Variants in FAT4 observed in about 807,000 individuals in gnomAD.
The protein encoded by FAT4 is protocadherin Fat 4.
A neutral mutation model predicts 303.9 loss-of-function variants in FAT4; 84 were observed. The ratio of observed to expected loss-of-function variants is 0.28; its 90% confidence interval spans 0.23 to 0.33. FAT4 has a LOEUF of 0.33. Among genes scored for constraint, FAT4 ranks in the 10% least tolerant of loss-of-function variants. The pLI, the probability that FAT4 is intolerant of heterozygous loss-of-function variation, is 1.00. For missense variants in FAT4, 6,005 were observed against 6,146.8 expected (o/e 0.98, Z 0.77); for synonymous variants, 2,307 against 2,298.8 (o/e 1.00, Z -0.10).
At chr4:125,339,071 C>T (rs1731676386) in intron 2 of FAT4, among the ~76,000 whole-genome samples, 1 of 152,090 alleles carries the variant, frequency 6.6e-6, no homozygotes, top group Non-Finnish European at 1.5e-5. Context: ...CTTCCTTTGC[C>T]CTAAGATGCC....
At position 125,450,443 on chromosome 4, in the gene FAT4, A is replaced by G; in HGVS notation, c.9433A>G (p.Thr3145Ala). ...EEGIFAINSSTGILTLAKALD... is the reference protein window; with the variant it reads ...EEGIFAINSSAGILTLAKALD... Reference sequence around the variant, plus strand: ...AGGCATTTTTGCAATCAATTCTTCTACAGGTATATTAACACTAGCCAAAGC... The same window carrying G: ...AGGCATTTTTGCAATCAATTCTTCTGCAGGTATATTAACACTAGCCAAAGC... Residue 3145 changes from threonine (T) to alanine (A), a missense_variant, in exon 10 of 18, where the codon ACA becomes GCA. Thr to Ala is a moderately conservative substitution (Grantham distance 58). Coordinates refer to ENST00000394329, the MANE Select transcript of FAT4 (RefSeq NM_001291303.3). 1 of 1,614,110 alleles carries G rather than the reference A, an allele frequency of 6.2e-7. No individual in the cohort carries two copies. The highest frequency in any genetic ancestry group is 1.7e-5 in the Admixed American group (1 of 60,012).
chr4:125,325,101 G>A (rs1056909787), intron 2 of FAT4, among the ~76,000 whole-genome samples: 1 of 152,062 alleles, frequency 6.6e-6, no homozygotes, highest in African/African-American at 2.4e-5. Flanking sequence ...GGATAATAGA[G>A]AAATAGTTTG....
intron 2 of FAT4, among the ~76,000 whole-genome samples, chr4:125,340,834 G>T (rs757259790): frequency 2.4e-4 from 37 of 152,190 alleles, no homozygotes; most frequent in Admixed American, 4.6e-4. Context: ...AACACTAAGG[G>T]ATAGTTATCT....
At chr4:125,430,152 A>G (rs1395769903) in intron 7 of FAT4, among the ~76,000 whole-genome samples, 1 of 11,860 alleles carries the variant, frequency 8.4e-5, no homozygotes, top group Non-Finnish European at 1.9e-4. Flanking sequence ...CTAGAACTTA[A>G]AGTATAAAAA....
At chr4:125,419,361 C>A (rs1735194827) in intron 7 of FAT4, among the ~76,000 whole-genome samples, 1 of 152,108 alleles carries the variant, frequency 6.6e-6, no homozygotes, top group South Asian at 2.1e-4. Flanking sequence ...CCTCTGTACA[C>A]CATATCCAAC....
intron 8 of FAT4, among the ~76,000 whole-genome samples, chr4:125,436,315 C>A (rs1425133326): frequency 6.6e-6 from 1 of 152,064 alleles, no homozygotes; most frequent in South Asian, 2.1e-4. Context: ...AAATGGGTAG[C>A]ATTGAAGGAG....
intron 11 of FAT4, among the ~76,000 whole-genome samples, chr4:125,466,986 C>A (rs1372793727): frequency 4.0e-5 from 6 of 151,812 alleles, no homozygotes; most frequent in Non-Finnish European, 8.8e-5. Flanking sequence ...ACCGTGTTAG[C>A]CAGGATGGTC....
rs892379840 is a variant in FAT4, at chr4:125,316,071, G to C, written c.-13+94G>C. On this transcript the variant is annotated intron_variant, in intron 1 of 17. Coordinates refer to ENST00000394329, the MANE Select transcript of FAT4 (RefSeq NM_001291303.3). The surrounding 1 kb of genome is among the most constrained non-coding windows in gnomAD (Gnocchi z 5.7). The stretch of plus-strand genomic sequence containing the variant: ...TCTCCCAACTCTCATCCACCCGGGT[G>C]AAAACGCTCAGACTATCTGGATTCA... 6.6e-6 allele frequency among the ~76,000 whole-genome samples: 1 copy of C among 152,164 alleles called. No individual in the cohort carries two copies. The highest frequency in any genetic ancestry group is 1.5e-5 in the Non-Finnish European group (1 of 68,030).
chr4:125,410,417 T>A (rs963357469), intron 5 of FAT4, among the ~76,000 whole-genome samples: 1 of 152,140 alleles, frequency 6.6e-6, no homozygotes, highest in Non-Finnish European at 1.5e-5. Flanking sequence ...TTGGCTCCAG[T>A]TAGATATCTG....
chr4:125,468,625 A>C lies in FAT4; in HGVS notation c.12019A>C (p.Ile4007Leu). The C allele has an allele frequency of 6.2e-7, 1 of 1,614,156 alleles. No homozygotes were observed. The highest frequency in any genetic ancestry group is 8.5e-7 in the Non-Finnish European group (1 of 1,180,020). ...NNYIYVKFAT[I>L]KSHALLLYNY... is the part of the protein sequence containing the mutation. ...CTATATTTATGTCAAATTTGCCACGATTAAAAGTCATGCCTTATTGCTTTA... is the reference window on the plus strand; with the variant it reads ...CTATATTTATGTCAAATTTGCCACGCTTAAAAGTCATGCCTTATTGCTTTA... The change falls in exon 12 of 18, where the codon ATT becomes CTT. Residue 4007 changes from isoleucine (I) to leucine (L), a missense_variant. Ile to Leu is a conservative substitution (Grantham distance 5). Transcript: ENST00000394329.
intron 2 of FAT4, among the ~76,000 whole-genome samples, chr4:125,343,492 A>C (rs937485422): frequency 6.6e-6 from 1 of 151,936 alleles, no homozygotes; most frequent in Non-Finnish European, 1.5e-5. Context: ...ATTTGCTAAG[A>C]AGAAAAAAAA....
In FAT4 at chr4:125,452,606, G is replaced by A; in HGVS notation, c.11596G>A (p.Asp3866Asn). 2.5e-6 allele frequency: 4 copies of A among 1,614,180 alleles called. No homozygotes were observed. Among genetic ancestry groups the A allele is most frequent in the Non-Finnish European group, 3.4e-6 (4 of 1,180,032 alleles). Residue 3866 changes from aspartate (D) to asparagine (N), a missense_variant, in exon 10 of 18, where the codon GAT becomes AAT. By Grantham distance (23) the Asp-to-Asn change is conservative. Transcript: ENST00000394329. ...GGGTAGCTGGTGTGAAATAGATATA[G>A]ATGAATGTCTTCCATCACCTTGCCA... is the stretch of plus-strand genomic sequence containing the variant. ...YAGSWCEIDI[D>N]ECLPSPCHSG...
In FAT4 at chr4:125,321,136, C is replaced by T. The variant is rs750712225; in HGVS notation, c.4725C>T (p.Phe1575=). ...TCATCAATGGGGACACAGACACCTT[C>T]ATTGTTGATCGTTATAGTGGAGACC... ...YEIINGDTDT[F]IVDRYSGDLR... Residue 1575 remains phenylalanine (F), a synonymous_variant, in exon 2 of 18, where the codon TTC becomes TTT. Coordinates refer to ENST00000394329, the MANE Select transcript of FAT4 (RefSeq NM_001291303.3). 4 of 1,614,034 alleles carry T rather than the reference C, an allele frequency of 2.5e-6. No individual in the cohort carries two copies. The Admixed American group carries it at 6.7e-5, about 27-fold the overall frequency.
At chr4:125,333,684 T>C (rs1287048755) in intron 2 of FAT4, among the ~76,000 whole-genome samples, 2 of 152,208 alleles carry the variant, frequency 1.3e-5, no homozygotes, top group African/African-American at 4.8e-5. Flanking sequence ...TAAGCTATGC[T>C]GCAGTGATTA....
chr4:125,367,526 G>T (rs1439679441), intron 2 of FAT4, among the ~76,000 whole-genome samples: 1 of 152,134 alleles, frequency 6.6e-6, no homozygotes, highest in East Asian at 1.9e-4. Context: ...AACGTGCCAA[G>T]AACTGTGGAA....
rs762206992 is a variant in FAT4 at position 125,449,763 on chromosome 4, A to G, written c.8753A>G (p.Glu2918Gly). 5 of 1,613,816 alleles carry G rather than the reference A, an allele frequency of 3.1e-6. No individual in the cohort carries two copies. In the Middle Eastern group the frequency reaches 8.2e-4, roughly 266 times the overall value. ...TTTTATTTCATAAAATCCCAATCAG[A>G]ATATTTCAGGATTAATGCCACCACT... The part of the protein sequence containing the change: ...QVFYFIKSQS[E>G]YFRINATTGE... The change falls in exon 10 of 18, where the codon GAA becomes GGA. Residue 2918 changes from glutamate (E) to glycine (G), a missense_variant. By Grantham distance (98) the Glu-to-Gly change is moderately conservative. Coordinates refer to ENST00000394329, the MANE Select transcript of FAT4 (RefSeq NM_001291303.3).
intron 2 of FAT4, among the ~76,000 whole-genome samples, chr4:125,395,950 A>C (rs1254540162): frequency 1.3e-5 from 2 of 152,166 alleles, no homozygotes; most frequent in Non-Finnish European, 2.9e-5. Flanking sequence ...CCCCTAGTTT[A>C]GTTTTTTAAA....
At chr4:125,332,707 T>C (rs1040930602) in intron 2 of FAT4, among the ~76,000 whole-genome samples, 1 of 152,122 alleles carries the variant, frequency 6.6e-6, no homozygotes, top group African/African-American at 2.4e-5. Flanking sequence ...CATGACTTAA[T>C]GCAGTTTTCT....
intron 15 of FAT4, among the ~76,000 whole-genome samples, chr4:125,481,199 A>G (rs1054040633): frequency 6.6e-6 from 1 of 152,208 alleles, no homozygotes; most frequent in Non-Finnish European, 1.5e-5. Flanking sequence ...AAATTTTTCA[A>G]GTACATATTA....
Sources: allele counts gnomAD v4.1 joint callset (sites outside exome capture counted in the v4.1 genomes callset), GRCh38; gene constraint gnomAD v4.1.1; non-coding constraint Gnocchi (gnomAD v3.1); transcripts MANE v1.5; gene names NCBI Gene and HGNC (gene_info 2026-07-23, HGNC 2026-07-21).